The following XIRP2 variants were observed in gnomAD, a reference collection of about 807,000 sequenced individuals.
The protein encoded by XIRP2 is xin actin binding repeat containing 2, also known as xin actin-binding repeat-containing protein 2.
Under a neutral mutation model 277.0 loss-of-function variants are expected in XIRP2, and 236 were observed. The ratio of observed to expected loss-of-function variants is 0.85; its 90% CI spans 0.77 to 0.95. The LOEUF is 0.95. Among genes scored for constraint, XIRP2 ranks in the 40% least tolerant of loss-of-function variants. XIRP2 has a pLI of 0.00. For missense variants in XIRP2, 4,640 were observed against 4,157.5 expected (o/e 1.12, Z -3.19); for synonymous variants, 1,490 against 1,416.5 (o/e 1.05, Z -1.17).
intron 2 of XIRP2, among the ~76,000 whole-genome samples, chr2:166,976,099 G>A (rs1686711006): frequency 6.6e-6 from 1 of 152,102 alleles, no homozygotes; most frequent in African/African-American, 2.4e-5. Flanking sequence ...TGTGGAATAT[G>A]AGAACTGGAA....
At chr2:167,096,935 T>C (rs1690335476) in intron 2 of XIRP2, among the ~76,000 whole-genome samples, 1 of 152,198 alleles carries the variant, frequency 6.6e-6, no homozygotes, top group South Asian at 2.1e-4. Context: ...TCCATTCTTT[T>C]GCATTTGCCG....
At chr2:166,933,188 G>A (rs1327173752) in intron 2 of XIRP2, among the ~76,000 whole-genome samples, 13 of 148,330 alleles carry the variant, frequency 8.8e-5, no homozygotes, top group South Asian at 4.3e-4. Context: ...TTGCTCTGTC[G>A]CCCAGGCTGG....
chr2:167,132,821 A>G (rs545440091), intron 2 of XIRP2, among the ~76,000 whole-genome samples: 6 of 152,116 alleles, frequency 3.9e-5, no homozygotes, highest in Non-Finnish European at 5.9e-5. Context: ...AGAGCCCTAT[A>G]CAGGGCTCTC....
At chr2:167,229,260 A>G (rs1559030875) in intron 5 of XIRP2, among the ~76,000 whole-genome samples, 1 of 152,160 alleles carries the variant, frequency 6.6e-6, no homozygotes, top group East Asian at 1.9e-4. Flanking sequence ...GAAGGCTCAT[A>G]TTAGCTTAAC....
At chr2:166,950,628 A>T (rs1015590193) in intron 2 of XIRP2, among the ~76,000 whole-genome samples, 1 of 152,108 alleles carries the variant, frequency 6.6e-6, no homozygotes, top group Admixed American at 6.6e-5. Context: ...ACTACAAGCA[A>T]TTTCTCTAAA....
intron 3 of XIRP2, among the ~76,000 whole-genome samples, chr2:167,171,578 C>T (rs949926125): frequency 1.3e-5 from 2 of 152,114 alleles, no homozygotes; most frequent in Non-Finnish European, 2.9e-5. Flanking sequence ...CTAAGTCAAA[C>T]AGATGATAAT....
chr2:167,084,586 T>A (rs1422502564), intron 2 of XIRP2, among the ~76,000 whole-genome samples: 9 of 152,068 alleles, frequency 5.9e-5, no homozygotes, highest in Non-Finnish European at 1.0e-4. Flanking sequence ...TCTTTTTGGT[T>A]GGTAAGCTAT....
chr2:167,165,046 T>C (rs1455692570), intron 3 of XIRP2, among the ~76,000 whole-genome samples: 1 of 152,216 alleles, frequency 6.6e-6, no homozygotes, highest in East Asian at 1.9e-4. Flanking sequence ...ATGTTTTTAT[T>C]GTCTCCGTAG....
chr2:167,250,616 C>A lies in XIRP2; in HGVS notation c.9224C>A (p.Ala3075Asp). The A allele has an allele frequency of 6.2e-7, 1 of 1,613,138 alleles. No individual in the cohort carries two copies. Among genetic ancestry groups the A allele is most frequent in the Non-Finnish European group, 8.5e-7 (1 of 1,179,602 alleles). Residue 3075 changes from alanine (A) to aspartate (D), a missense_variant, in exon 9 of 11, where the codon GCC becomes GAC. Coordinates refer to ENST00000409195, the MANE Select transcript of XIRP2 (RefSeq NM_152381.6). ...KNSEQKENKI[A>D]KEKTVQHQVA... ...AGTGAACAGAAAGAAAATAAAATTG[C>A]CAAAGAGAAAACAGTACAGCACCAA...
At chr2:167,218,104 C>T (rs1694309592) in intron 4 of XIRP2, 62 bp from the exon 5 acceptor site, 2 of 1,337,250 alleles carry the variant, frequency 1.5e-6, no homozygotes, top group Non-Finnish European at 2.0e-6. Context: ...TTTAAAATAG[C>T]TTCAGAATCC....
intron 2 of XIRP2, among the ~76,000 whole-genome samples, chr2:167,056,480 A>C (rs1689041121): frequency 6.6e-6 from 1 of 152,082 alleles, no homozygotes; most frequent in African/African-American, 2.4e-5. Context: ...AAATATTAGA[A>C]GTTCCCAGTT....
At chr2:167,081,996 G>A (rs1475585892) in intron 2 of XIRP2, among the ~76,000 whole-genome samples, 4 of 150,296 alleles carry the variant, frequency 2.7e-5, no homozygotes, top group Non-Finnish European at 5.9e-5. Flanking sequence ...TGCACAGTGT[G>A]CAGGTTAGTT....
At chr2:166,981,994 CT>C (rs1686882021) in intron 2 of XIRP2, among the ~76,000 whole-genome samples, 1 of 152,236 alleles carries the variant, frequency 6.6e-6, no homozygotes, top group African/African-American at 2.4e-5. Flanking sequence ...TTTAACTCAG[CT>C]TTAACAACTT....
intron 2 of XIRP2, among the ~76,000 whole-genome samples, chr2:166,923,210 G>A (rs967043401): frequency 3.3e-5 from 5 of 151,932 alleles, no homozygotes; most frequent in African/African-American, 9.7e-5. Flanking sequence ...ATGTTTGAAC[G>A]GTAAAAGTAA....
At chr2:166,892,724 G>T (rs1284501089) in intron 1 of XIRP2, among the ~76,000 whole-genome samples, 2 of 150,926 alleles carry the variant, frequency 1.3e-5, no homozygotes, top group African/African-American at 2.4e-5. Flanking sequence ...ACCTTTGATG[G>T]GTTACTTGAC....
chr2:167,025,496 G>C (rs1232282486), intron 2 of XIRP2, among the ~76,000 whole-genome samples: 1 of 151,866 alleles, frequency 6.6e-6, no homozygotes, highest in African/African-American at 2.4e-5. Context: ...CCTTCTGCTA[G>C]CTTTTGAATG....
chr2:166,947,546 G>C (rs370292715), intron 2 of XIRP2, among the ~76,000 whole-genome samples: 1 of 152,008 alleles, frequency 6.6e-6, no homozygotes, highest in African/African-American at 2.4e-5. Context: ...TTTGACATTT[G>C]TGTTCATTTT....
At chr2:167,001,575 A>G (rs1414764843) in intron 2 of XIRP2, among the ~76,000 whole-genome samples, 3 of 152,190 alleles carry the variant, frequency 2.0e-5, no homozygotes, top group Non-Finnish European at 1.5e-5. Context: ...GTGGTCACCC[A>G]ATCATTACTA....
At chr2:167,183,685 G>A (rs933441803) in intron 3 of XIRP2, among the ~76,000 whole-genome samples, 1 of 150,804 alleles carries the variant, frequency 6.6e-6, no homozygotes, top group Non-Finnish European at 1.5e-5. Flanking sequence ...TATATCAATT[G>A]TGATTATTTT....
Sources: allele counts gnomAD v4.1 joint callset (sites outside exome capture counted in the v4.1 genomes callset), GRCh38; gene constraint gnomAD v4.1.1; transcripts MANE v1.5; gene names NCBI Gene and HGNC (gene_info 2026-07-23, HGNC 2026-07-21).